Variants in CABIN1 observed in about 807,000 individuals in gnomAD.
CABIN1 encodes calcineurin-binding protein cabin-1.
In CABIN1, 133 loss-of-function variants were observed where a neutral mutation model predicts 227.7. The observed-to-expected ratio is 0.58, with a 90% CI of 0.51 to 0.67. CABIN1 has a LOEUF of 0.67. Ranked by LOEUF, CABIN1 falls within the 30% of genes least tolerant of loss-of-function variation. The pLI, the probability that CABIN1 is intolerant of heterozygous loss-of-function variation, is 0.00. For missense variants in CABIN1, 2,408 were observed against 2,852.5 expected (o/e 0.84, Z 3.55); for synonymous variants, 1,086 against 1,155.1 (o/e 0.94, Z 1.21).
intron 29 of CABIN1, among the ~76,000 whole-genome samples, chr22:24,159,637 C>T (rs1353186540): frequency 2.0e-5 from 3 of 152,168 alleles, no homozygotes; most frequent in East Asian, 1.9e-4. Flanking sequence ...TTGAGCCTCA[C>T]GTGGCATCCC....
intron 19 of CABIN1, among the ~76,000 whole-genome samples, chr22:24,082,931 A>T (rs1174158194): frequency 6.6e-6 from 1 of 152,248 alleles, no homozygotes; most frequent in Non-Finnish European, 1.5e-5. Flanking sequence ...GGAGGCAAAT[A>T]TCTTCTTCTG....
At chr22:24,126,302 T>C (rs2043719045) in intron 28 of CABIN1, among the ~76,000 whole-genome samples, 1 of 151,964 alleles carries the variant, frequency 6.6e-6, no homozygotes. Context: ...TGGTAAGGGG[T>C]TCGAGGTGTG....
rs1187447821 is a variant in CABIN1, at chr22:24,087,538, C to T, written c.3350C>T (p.Pro1117Leu). ...LNSNELKSDG[P>L]IWKHATPVLN... The stretch of plus-strand genomic sequence containing the variant: ...TCCAATGAGCTGAAGAGTGATGGGC[C>T]CATTTGGAAGCATGCCACGCCCGTC... The change falls in exon 23 of 37, where the codon CCC (proline) becomes CTC (leucine). Residue 1117 changes from proline (P) to leucine (L), a missense_variant. This residue lies in a region of CABIN1 where 649 missense variants were observed against 910.3 expected (regional missense o/e 0.71). Transcript: ENST00000263119. 8 of 1,614,216 alleles carry T rather than the reference C, an allele frequency of 5.0e-6. No homozygotes were observed. Among genetic ancestry groups the T allele is most frequent in the Non-Finnish European group, 6.8e-6 (8 of 1,180,046 alleles).
intron 1 of CABIN1, among the ~76,000 whole-genome samples, chr22:24,022,806 A>G (rs1162930459): frequency 6.6e-6 from 1 of 152,182 alleles, no homozygotes; most frequent in African/African-American, 2.4e-5. Context: ...GTTTTAATTC[A>G]TATTTCTCTA....
At chr22:24,036,057 A>T in intron 2 of CABIN1, 32 bp from the exon 3 acceptor site, 1 of 1,480,484 alleles carries the variant, frequency 6.8e-7, no homozygotes, top group Non-Finnish European at 9.4e-7. Flanking sequence ...TCTCAAAGCA[A>T]CTTGTCTCTT....
In CABIN1 at chr22:24,056,294, A is replaced by G. The variant is rs771444890; in HGVS notation, c.1196A>G (p.Asn399Ser). ...TAKRRSARVR[N>S]TKCKKEEKVD... ...AAGCGGCGGTCTGCCCGTGTCCGAA[A>G]CACCAAGTGCAAAAAAGAAGAGAAA... is the stretch of plus-strand genomic sequence containing the variant. The change falls in exon 10 of 37, where the codon AAC becomes AGC. Residue 399 changes from asparagine to serine, a missense_variant. Physicochemically the swap from Asn to Ser is conservative, Grantham distance 46 (BLOSUM62 1). Transcript: ENST00000263119. 3 of 1,614,034 alleles carry G rather than the reference A, an allele frequency of 1.9e-6. No homozygotes were observed. The highest frequency in any genetic ancestry group is 3.3e-5 in the Admixed American group (2 of 60,022).
intron 29 of CABIN1, among the ~76,000 whole-genome samples, chr22:24,158,408 C>T (rs187869244): frequency 1.0e-3 from 157 of 152,310 alleles, no homozygotes; most frequent in Non-Finnish European, 1.6e-3. Context: ...TCATCAGAAT[C>T]CTTAAGTCCC....
rs948251156 is a variant in CABIN1 at position 24,169,469 on chromosome 22, G to A, written c.5757+948G>A. ...GGCTATTACGTCTGCGGAAGCCCTC[G>A]AGGTTCAGCTTTGACCAAGCAGGCT... On this transcript the variant is annotated intron_variant, in intron 33 of 36. Coordinates refer to ENST00000263119, the MANE Select transcript of CABIN1 (RefSeq NM_012295.4). Among the ~76,000 whole-genome samples, 10 of 152,284 alleles carry A rather than the reference G, an allele frequency of 6.6e-5. No homozygotes were observed. The East Asian group carries it at 1.9e-3, about 29-fold the overall frequency.
intron 1 of CABIN1, among the ~76,000 whole-genome samples, chr22:24,013,132 G>A (rs1188803149): frequency 6.6e-6 from 1 of 150,486 alleles, no homozygotes; most frequent in African/African-American, 2.4e-5. Context: ...ATACATAAAT[G>A]GTTACCATCC....
At chr22:24,069,390 T>C (rs1220428462) in intron 16 of CABIN1, among the ~76,000 whole-genome samples, 1 of 152,220 alleles carries the variant, frequency 6.6e-6, no homozygotes, top group Non-Finnish European at 1.5e-5. Flanking sequence ...GGGTAGATGA[T>C]TGTGTTGCCC....
intron 4 of CABIN1, among the ~76,000 whole-genome samples, chr22:24,040,909 ACT>A (rs1387766846): frequency 1.3e-5 from 2 of 151,924 alleles, no homozygotes; most frequent in African/African-American, 4.8e-5. Flanking sequence ...GGATGCCCAG[ACT>A]CTCTGCAAAC....
At chr22:24,163,770 C>G (rs1752269685) in intron 29 of CABIN1, among the ~76,000 whole-genome samples, 1 of 152,162 alleles carries the variant, frequency 6.6e-6, no homozygotes. Flanking sequence ...TAGGGGGTGC[C>G]CAGTGCTGCA....
At chr22:24,150,551 C>G (rs2045419522) in intron 29 of CABIN1, among the ~76,000 whole-genome samples, 1 of 152,232 alleles carries the variant, frequency 6.6e-6, no homozygotes, top group Non-Finnish European at 1.5e-5. Flanking sequence ...TGTGGAGGCC[C>G]GAGTGCTGTG....
At chr22:24,138,332 A>G (rs1374761821) in intron 29 of CABIN1, among the ~76,000 whole-genome samples, 1 of 152,194 alleles carries the variant, frequency 6.6e-6, no homozygotes, top group Non-Finnish European at 1.5e-5. Flanking sequence ...AGCCTGCCAG[A>G]TAGCTGGGAC....
intron 23 of CABIN1, among the ~76,000 whole-genome samples, chr22:24,091,017 T>C (rs2041508176): frequency 6.6e-6 from 1 of 152,166 alleles, no homozygotes; most frequent in Non-Finnish European, 1.5e-5. Context: ...CTTCAGGCTG[T>C]GAGAGGGTGG....
chr22:24,156,616 C>G (rs2045836631), intron 29 of CABIN1: 1 of 152,428 alleles, frequency 6.6e-6, no homozygotes, highest in Admixed American at 6.5e-5. Context: ...CGCGTCCGGG[C>G]GCGGTGCTTC....
intron 10 of CABIN1, among the ~76,000 whole-genome samples, chr22:24,056,769 A>C (rs1238901767): frequency 6.6e-6 from 1 of 152,214 alleles, no homozygotes; most frequent in Non-Finnish European, 1.5e-5. Flanking sequence ...CAGGCTCAGC[A>C]GGATTCCCTT....
chr22:24,076,525 G>C (rs990254253), intron 19 of CABIN1, among the ~76,000 whole-genome samples: 1 of 152,104 alleles, frequency 6.6e-6, no homozygotes, highest in Non-Finnish European at 1.5e-5. Flanking sequence ...AGGAAGCTCC[G>C]GAGCTCTTGA....
chr22:24,058,704 C>T (rs1437207067), intron 10 of CABIN1, among the ~76,000 whole-genome samples: 1 of 152,236 alleles, frequency 6.6e-6, no homozygotes, highest in Non-Finnish European at 1.5e-5. Flanking sequence ...GCCTTTGTAC[C>T]TGTTCTTGTC....
Sources: allele counts gnomAD v4.1 joint callset (sites outside exome capture counted in the v4.1 genomes callset), GRCh38; gene constraint gnomAD v4.1.1; regional missense constraint gnomAD v4.1.1; transcripts MANE v1.5; gene names NCBI Gene and HGNC (gene_info 2026-07-23, HGNC 2026-07-21).